The following TRIM24 variants were observed in gnomAD, a reference collection of about 807,000 sequenced individuals.
TRIM24 encodes the protein tripartite motif containing 24, also known as transcription intermediary factor 1-alpha.
In TRIM24, 29 loss-of-function variants were observed where a neutral mutation model predicts 123.9. The ratio of observed to expected loss-of-function variants is 0.23; its 90% CI spans 0.17 to 0.32. The LOEUF (loss-of-function observed/expected upper bound fraction) is 0.32. TRIM24 is among the 10% of genes least tolerant of loss of function. The pLI is 1.00. For synonymous variants in TRIM24, 456 were observed against 461.1 expected (o/e 0.99, Z 0.14); for missense variants, 932 against 1,295.3 (o/e 0.72, Z 4.31).
Position 138,585,039 on chromosome 7 carries a change from AAG to A in TRIM24, c.*91_*92del. 8.3e-7 allele frequency: 1 copy of A among 1,197,928 alleles called. No homozygotes were observed. Among genetic ancestry groups the A allele is most frequent in the Non-Finnish European group, 1.2e-6 (1 of 857,534 alleles). The allele number at this position is 1,197,928 out of a possible 1,614,324, so 74.2% of individuals were successfully genotyped here. A position where few individuals can be genotyped will look rare whatever the true frequency, so the allele number is the denominator to read the frequency against. On this transcript the variant is annotated 3_prime_UTR_variant, in exon 19 of 19. Transcript: ENST00000343526. The stretch of plus-strand genomic sequence containing the variant: ...AGTAATTTAACATCACTACAAAAAG[AAG>A]AGTTTGTGACTATTCTCATCTCTGT...
At chr7:138,473,368 A>C (rs537405767) in intron 1 of TRIM24, among the ~76,000 whole-genome samples, 55 of 152,340 alleles carry the variant, frequency 3.6e-4, no homozygotes, top group Middle Eastern at 3.4e-3. Context: ...AGACTGATGC[A>C]TCATTTTGGG....
At chr7:138,545,436 T>C (rs994046141) in intron 7 of TRIM24, 2 of 456,822 alleles carry the variant, frequency 4.4e-6, no homozygotes, top group Non-Finnish European at 8.8e-6. Flanking sequence ...AATAAGTAAG[T>C]AAATATATTG....
intron 14 of TRIM24, among the ~76,000 whole-genome samples, chr7:138,577,891 G>A (rs140140154): frequency 3.9e-5 from 6 of 152,232 alleles, no homozygotes; most frequent in Admixed American, 3.9e-4. Flanking sequence ...ACATTTTCGT[G>A]CAAGTTCTCA....
intron 2 of TRIM24, among the ~76,000 whole-genome samples, chr7:138,511,723 C>G (rs1796292265): frequency 6.6e-6 from 1 of 152,140 alleles, no homozygotes; most frequent in African/African-American, 2.4e-5. Flanking sequence ...GATTACAATT[C>G]TACATGAAAT....
chr7:138,526,411 C>T (rs1417732443), intron 5 of TRIM24, among the ~76,000 whole-genome samples: 1 of 151,952 alleles, frequency 6.6e-6, no homozygotes, highest in South Asian at 2.1e-4. Flanking sequence ...TTGTTATCAG[C>T]TCTCATTTGT....
intron 2 of TRIM24, among the ~76,000 whole-genome samples, chr7:138,511,288 A>G (rs551655612): frequency 2.2e-3 from 322 of 148,576 alleles, no homozygotes; most frequent in African/African-American, 7.0e-3. Flanking sequence ...GGTGCCACAC[A>G]CTTTTTTCTT....
At chr7:138,504,447 C>CTTTTGTTTTTTT (rs1796106237) in intron 2 of TRIM24, 39 bp downstream of exon 2, 11 of 155,194 alleles carry the variant, frequency 7.1e-5, no homozygotes, top group African/African-American at 5.0e-4. Flanking sequence ...CCTGCCAGCT[C>CTTTTGTTTTTTT]TTTTTTTTTT....
At chr7:138,512,380 C>T (rs997268447) in intron 2 of TRIM24, among the ~76,000 whole-genome samples, 2 of 152,178 alleles carry the variant, frequency 1.3e-5, no homozygotes, top group Non-Finnish European at 2.9e-5. Flanking sequence ...GGTGCTCCAG[C>T]CCCACATTTC....
At chr7:138,481,464 T>C (rs906885020) in intron 1 of TRIM24, among the ~76,000 whole-genome samples, 3 of 152,130 alleles carry the variant, frequency 2.0e-5, no homozygotes, top group African/African-American at 7.2e-5. Flanking sequence ...GGGTCTTTTA[T>C]TTTTTGAATT....
At chr7:138,513,503 G>C (rs550331216) in intron 2 of TRIM24, among the ~76,000 whole-genome samples, 2 of 152,086 alleles carry the variant, frequency 1.3e-5, no homozygotes. Context: ...CTCAGCTTAC[G>C]ATCATGGCAG....
chr7:138,496,058 G>T (rs1488044223), intron 1 of TRIM24, among the ~76,000 whole-genome samples: 2 of 151,996 alleles, frequency 1.3e-5, no homozygotes, highest in Non-Finnish European at 2.9e-5. Flanking sequence ...GGTATTTTTT[G>T]AATTGTTATT....
Position 138,525,284 on chromosome 7 carries a change from A to C in TRIM24, c.808A>C (p.Ile270Leu). 1 of 1,517,276 alleles carries C rather than the reference A, an allele frequency of 6.6e-7. No homozygotes were observed. Among genetic ancestry groups the C allele is most frequent in the Non-Finnish European group, 8.8e-7 (1 of 1,138,076 alleles). The allele number at this position is 1,517,276 out of a possible 1,614,324, so 94.0% of individuals were successfully genotyped here. A position where few individuals can be genotyped will look rare whatever the true frequency, so the allele number is the denominator to read the frequency against. The change falls in exon 5 of 19, where the codon ATA becomes CTA. Residue 270 changes from isoleucine to leucine, a missense_variant. Physicochemically the swap from Ile to Leu is conservative, Grantham distance 5 (BLOSUM62 2). Around this residue, in one of 7 missense-constraint regions of TRIM24, gnomAD observed 527 missense variants for 691.3 expected, o/e 0.76. Transcript: ENST00000343526. Reference protein sequence around the residue: ...EEAFQNQKVIIDTLITKLMEK... With the variant: ...EEAFQNQKVILDTLITKLMEK... ...AGCTTTTCAGAATCAGAAAGTGATC[A>C]TAGATACACTAATCACCAAACTGAT...
At chr7:138,474,878 G>A (rs1375109984) in intron 1 of TRIM24, among the ~76,000 whole-genome samples, 1 of 152,228 alleles carries the variant, frequency 6.6e-6, no homozygotes, top group African/African-American at 2.4e-5. Flanking sequence ...AAACAATAGG[G>A]AAGATGTTCT....
At chr7:138,523,485 G>C (rs1796544204) in intron 4 of TRIM24, among the ~76,000 whole-genome samples, 1 of 152,168 alleles carries the variant, frequency 6.6e-6, no homozygotes, top group Non-Finnish European at 1.5e-5. Flanking sequence ...GCCGGGCGAG[G>C]TGGCTCACGC....
At chr7:138,493,750 G>A (rs1214418778) in intron 1 of TRIM24, among the ~76,000 whole-genome samples, 3 of 152,180 alleles carry the variant, frequency 2.0e-5, no homozygotes, top group Admixed American at 6.5e-5. Flanking sequence ...TTCTAGGAAC[G>A]CTGTCCCCAT....
chr7:138,529,281 A>T, intron 6 of TRIM24, 51 bp downstream of exon 6: 1 of 905,772 alleles, frequency 1.1e-6, no homozygotes, highest in Non-Finnish European at 1.6e-6. Flanking sequence ...GTATTTCCTA[A>T]AGTACTGTGA....
chr7:138,525,154 C>T (rs1796582412), intron 4 of TRIM24, 87 bp from the exon 5 acceptor site: 2 of 590,592 alleles, frequency 3.4e-6, no homozygotes, highest in Non-Finnish European at 2.8e-6. Context: ...CTTTATAATC[C>T]TATTTTATGT....
At chr7:138,495,320 C>T (rs1405275622) in intron 1 of TRIM24, among the ~76,000 whole-genome samples, 2 of 152,078 alleles carry the variant, frequency 1.3e-5, no homozygotes, top group African/African-American at 2.4e-5. Flanking sequence ...CAAAATGTAT[C>T]GAATTGGCAA....
chr7:138,479,950 C>G (rs937601089), intron 1 of TRIM24, among the ~76,000 whole-genome samples: 3 of 151,968 alleles, frequency 2.0e-5, no homozygotes, highest in Admixed American at 1.3e-4. Context: ...TTCCAAGCAG[C>G]TGGGATTACA....
Sources: gnomAD v4.1 joint callset for allele counts (sites outside exome capture counted in the v4.1 genomes callset) on GRCh38, gnomAD v4.1.1 for gene constraint, gnomAD v4.1.1 regional missense constraint, MANE v1.5 for transcripts, NCBI Gene and HGNC (gene_info 2026-07-23, HGNC 2026-07-21) for gene names.